The following ARID1B variants were observed in gnomAD, a reference collection of about 807,000 sequenced individuals.
The protein encoded by ARID1B is AT-rich interaction domain 1B.
Under a neutral mutation model 212.3 loss-of-function variants are expected in ARID1B, and 30 were observed. That is an observed-to-expected ratio of 0.14 (90% CI 0.11 to 0.19). The LOEUF is 0.19. ARID1B is among the 10% of genes least tolerant of loss of function. The probability of loss-of-function intolerance (pLI) is 1.00; values close to 1 mark genes in which losing one functional copy is unlikely to be tolerated. For missense variants in ARID1B, 2,891 were observed against 3,204.0 expected (o/e 0.90, Z 2.36); for synonymous variants, 1,402 against 1,301.7 (o/e 1.08, Z -1.66).
At chr6:157,159,352 C>T (rs1790775890) in intron 8 of ARID1B, among the ~76,000 whole-genome samples, 1 of 152,210 alleles carries the variant, frequency 6.6e-6, no homozygotes, top group African/African-American at 2.4e-5. Context: ...TCTTCACACC[C>T]CGACAAGGAG....
rs2128313384 is a variant in ARID1B at position 156,955,800 on chromosome 6, T to A, written c.2247+20224T>A. On this transcript the variant is annotated intron_variant, in intron 4 of 19. Transcript: ENST00000636930. This position sits in a 1 kb window ranked among gnomAD's most constrained non-coding sequence, Gnocchi z 4.2. ...GAAGATACTCGCCCTGGACTTGGGA[T>A]CTTAGAAATGAAGTAGCCCCATTTC... Among the ~76,000 whole-genome samples, 1 of 152,250 alleles carries A rather than the reference T, an allele frequency of 6.6e-6. No homozygotes were observed. Among genetic ancestry groups the A allele is most frequent in the East Asian group, 1.9e-4 (1 of 5,186 alleles).
chr6:157,080,452 G>A (rs753344269), intron 4 of ARID1B, among the ~76,000 whole-genome samples: 7 of 152,066 alleles, frequency 4.6e-5, no homozygotes, highest in Admixed American at 2.6e-4. Context: ...TTTTTAGGAA[G>A]GATCATGTAC....
rs775749844 is a variant in ARID1B, at chr6:157,206,059, A to G, written c.5395-108A>G. 20 of 1,226,354 alleles carry G rather than the reference A, an allele frequency of 1.6e-5. No individual in the cohort carries two copies. Among genetic ancestry groups the G allele is most frequent in the Non-Finnish European group, 2.2e-5 (19 of 875,560 alleles). The allele number at this position is 1,226,354 out of a possible 1,614,324, so 76.0% of individuals were successfully genotyped here. A position where few individuals can be genotyped will look rare whatever the true frequency, so the allele number is the denominator to read the frequency against. On this transcript the variant is annotated intron_variant, in intron 19 of 19. Coordinates refer to ENST00000636930, the MANE Select transcript of ARID1B (RefSeq NM_001374828.1). The surrounding 1 kb of genome is among the most constrained non-coding windows in gnomAD (Gnocchi z 6.8). ...CAAAAAGGGAGACAAACGTGTGACA[A>G]TGATGGAAAGGTATTGACGGGTCTC... is the stretch of plus-strand genomic sequence containing the variant.
intron 15 of ARID1B, chr6:157,194,848 G>A (rs773178281): frequency 6.6e-6 from 1 of 152,104 alleles, no homozygotes; most frequent in Non-Finnish European, 1.5e-5. Flanking sequence ...GGGGCCAGGT[G>A]ATGACTCATG....
At chr6:156,809,915 A>G (rs935300843) in intron 1 of ARID1B, among the ~76,000 whole-genome samples, 6 of 152,094 alleles carry the variant, frequency 3.9e-5, no homozygotes, top group Non-Finnish European at 1.5e-5. Flanking sequence ...GGTGGCATGC[A>G]GAGGACAAAA....
At chr6:157,008,712 C>T (rs986798725) in intron 4 of ARID1B, among the ~76,000 whole-genome samples, 2 of 152,078 alleles carry the variant, frequency 1.3e-5, no homozygotes, top group Non-Finnish European at 1.5e-5. Context: ...AGTATTGATA[C>T]CCATCTCTCT....
intron 5 of ARID1B, among the ~76,000 whole-genome samples, chr6:157,096,558 G>A (rs955217419): frequency 6.6e-6 from 1 of 152,208 alleles, no homozygotes; most frequent in Non-Finnish European, 1.5e-5. Context: ...GGTCGTGCTC[G>A]AGAACCTTCC....
intron 9 of ARID1B, among the ~76,000 whole-genome samples, chr6:157,172,518 C>G (rs866717247): frequency 6.6e-6 from 1 of 152,154 alleles, no homozygotes; most frequent in Non-Finnish European, 1.5e-5. Flanking sequence ...CAAGCCAATG[C>G]GCCCGTGGAA....
chr6:157,140,358 T>G (rs2128607300), intron 7 of ARID1B, among the ~76,000 whole-genome samples: 1 of 152,156 alleles, frequency 6.6e-6, no homozygotes, highest in African/African-American at 2.4e-5. Context: ...TAATCCCAGC[T>G]ACTCAGGAGG....
At chr6:157,199,431 T>TA (rs1793950123) in intron 17 of ARID1B, among the ~76,000 whole-genome samples, 1 of 152,104 alleles carries the variant, frequency 6.6e-6, no homozygotes, top group Admixed American at 6.5e-5. Context: ...GATGCTAAGT[T>TA]ACGCAGGATC....
chr6:156,903,051 C>T (rs1022859581), intron 3 of ARID1B, among the ~76,000 whole-genome samples: 2 of 152,052 alleles, frequency 1.3e-5, no homozygotes, highest in African/African-American at 4.8e-5. Flanking sequence ...TGAAATGAAT[C>T]TCTGATCATA....
chr6:156,779,845 C>G (rs1429152367), intron 1 of ARID1B: 2 of 154,290 alleles, frequency 1.3e-5, no homozygotes, highest in African/African-American at 4.8e-5. Context: ...AATAGGCTCT[C>G]CCGGCCAGGA....
At chr6:156,907,205 C>T (rs944057076) in intron 3 of ARID1B, among the ~76,000 whole-genome samples, 2 of 152,042 alleles carry the variant, frequency 1.3e-5, no homozygotes, top group African/African-American at 2.4e-5. Context: ...ACAATGTTTC[C>T]CCTTTCTTTT....
chr6:156,876,321 G>A (rs1164878304), intron 2 of ARID1B, among the ~76,000 whole-genome samples: 4 of 152,210 alleles, frequency 2.6e-5, no homozygotes, highest in South Asian at 2.1e-4. Flanking sequence ...TCACCCATCC[G>A]GCCCTGTGGA....
At chr6:157,119,938 T>G (rs1196509675) in intron 6 of ARID1B, among the ~76,000 whole-genome samples, 2 of 152,214 alleles carry the variant, frequency 1.3e-5, no homozygotes. Context: ...ACTAACTAGT[T>G]TTGTATCTTT....
intron 4 of ARID1B, among the ~76,000 whole-genome samples, chr6:157,041,350 CTTG>C (rs1275173239): frequency 6.6e-6 from 1 of 152,008 alleles, no homozygotes; most frequent in South Asian, 2.1e-4. Flanking sequence ...GAAACATTGA[CTTG>C]TTGTTTATGG....
intron 4 of ARID1B, among the ~76,000 whole-genome samples, chr6:157,075,768 A>T (rs1358035142): frequency 1.3e-5 from 2 of 152,222 alleles, no homozygotes; most frequent in Non-Finnish European, 2.9e-5. Context: ...CAAAATCTGT[A>T]AGCCCAGTCT....
chr6:157,145,511 A>G (rs916213111), intron 7 of ARID1B, among the ~76,000 whole-genome samples: 1 of 152,182 alleles, frequency 6.6e-6, no homozygotes, highest in African/African-American at 2.4e-5. Flanking sequence ...CGGACAGCCA[A>G]ATGAAAATGC....
chr6:157,099,708 A>G, intron 5 of ARID1B, among the ~76,000 whole-genome samples: 1 of 152,172 alleles, frequency 6.6e-6, no homozygotes, highest in Non-Finnish European at 1.5e-5. Flanking sequence ...TCTATCTTCA[A>G]GCCTAGGAGT....
Sources: allele counts gnomAD v4.1 joint callset (sites outside exome capture counted in the v4.1 genomes callset), GRCh38; gene constraint gnomAD v4.1.1; non-coding constraint Gnocchi (gnomAD v3.1); transcripts MANE v1.5; gene names NCBI Gene and HGNC (gene_info 2026-07-23, HGNC 2026-07-21).